The following HMCN1 variants were observed in gnomAD, a reference collection of about 807,000 sequenced individuals.
HMCN1 encodes hemicentin 1, also known as hemicentin-1.
Under a neutral mutation model 625.9 loss-of-function variants are expected in HMCN1, and 321 were observed. That is an observed-to-expected ratio of 0.51 (90% CI 0.47 to 0.56). The LOEUF (loss-of-function observed/expected upper bound fraction) is 0.56, where lower values mean the gene tolerates loss of function less well. HMCN1 is among the 20% of genes least tolerant of loss of function. The probability of loss-of-function intolerance (pLI) is 0.00; values close to 1 mark genes in which losing one functional copy is unlikely to be tolerated. For missense variants in HMCN1, 6,588 were observed against 6,887.3 expected (o/e 0.96, Z 1.54); for synonymous variants, 2,425 against 2,417.6 (o/e 1.00, Z -0.09).
At chr1:185,777,086 T>C (rs1286020706) in intron 1 of HMCN1, among the ~76,000 whole-genome samples, 1 of 152,218 alleles carries the variant, frequency 6.6e-6, no homozygotes, top group Non-Finnish European at 1.5e-5. Context: ...TATTATAGTC[T>C]TATTTTGCAT....
intron 1 of HMCN1, among the ~76,000 whole-genome samples, chr1:185,834,412 T>C (rs1248390400): frequency 6.6e-6 from 1 of 152,106 alleles, no homozygotes; most frequent in Non-Finnish European, 1.5e-5. Flanking sequence ...ACATGGTTGT[T>C]GGCAGGATTG....
chr1:185,980,977 G>T lies in HMCN1; in HGVS notation c.2567-1G>T. ...ATGAGTAAATGAGTTCTTCCTTTTA[G>T]ACTTATGGGCAAGTGATAAAGGAAC... On this transcript the variant is annotated splice_acceptor_variant, in intron 16 of 106. Coordinates refer to ENST00000271588, the MANE Select transcript of HMCN1 (RefSeq NM_031935.3). LOFTEE classifies it high-confidence loss of function. The T allele has an allele frequency of 6.3e-7, 1 of 1,577,632 alleles. No homozygotes were observed. Among genetic ancestry groups the T allele is most frequent in the South Asian group, 1.1e-5 (1 of 90,290 alleles).
At chr1:185,782,688 G>T (rs893140546) in intron 1 of HMCN1, among the ~76,000 whole-genome samples, 4 of 152,162 alleles carry the variant, frequency 2.6e-5, no homozygotes, top group Non-Finnish European at 4.4e-5. Context: ...CTCTCTTCTG[G>T]CTTGTAGAGT....
chr1:186,010,284 T>G (rs1653914821), intron 30 of HMCN1, among the ~76,000 whole-genome samples: 1 of 152,270 alleles, frequency 6.6e-6, no homozygotes, highest in African/African-American at 2.4e-5. Context: ...GTATTCATAA[T>G]TTTTATTTGT....
chr1:186,159,454 A>G (rs1000539127), intron 97 of HMCN1, among the ~76,000 whole-genome samples: 9 of 152,016 alleles, frequency 5.9e-5, no homozygotes, highest in African/African-American at 2.2e-4. Flanking sequence ...TTCCAACACT[A>G]TGTTGAATAG....
intron 102 of HMCN1, among the ~76,000 whole-genome samples, chr1:186,172,573 C>T (rs1652299431): frequency 6.6e-6 from 1 of 151,934 alleles, no homozygotes; most frequent in Non-Finnish European, 1.5e-5. Flanking sequence ...AAATAATTTG[C>T]CCAAAATTTA....
intron 46 of HMCN1, 29 bp downstream of exon 46, chr1:186,057,430 C>T (rs745922837): frequency 1.0e-4 from 146 of 1,461,412 alleles, no homozygotes; most frequent in Non-Finnish European, 1.3e-4. Context: ...GCCTTATAAT[C>T]TTGTTAGCTT....
At chr1:186,148,514 G>A (rs939998947) in intron 93 of HMCN1, among the ~76,000 whole-genome samples, 1 of 151,638 alleles carries the variant, frequency 6.6e-6, no homozygotes, top group African/African-American at 2.4e-5. Flanking sequence ...ATTTCTTTCT[G>A]TTTTTTTTGT....
In HMCN1 at chr1:186,119,229, G is replaced by A; in HGVS notation, c.11887G>A (p.Gly3963Arg). ...ACTTGCCACCCAATTAAACCATGCT[G>A]GAAGATACACTTGTGTCGCTAGGAA... ...EILATQLNHAGRYTCVARNAA... is the reference protein window; with the variant it reads ...EILATQLNHARRYTCVARNAA... Residue 3963 changes from glycine to arginine, a missense_variant, in exon 78 of 107, where the codon GGA (glycine) becomes AGA (arginine). Gly to Arg is a moderately radical substitution (Grantham distance 125, BLOSUM62 -2). Coordinates refer to ENST00000271588, the MANE Select transcript of HMCN1 (RefSeq NM_031935.3). 6.2e-7 allele frequency: 1 copy of A among 1,613,854 alleles called. No homozygotes were observed.
chr1:186,057,210 T>C (rs1251869043), intron 45 of HMCN1, 24 bp from the exon 46 acceptor site: 3 of 1,595,414 alleles, frequency 1.9e-6, no homozygotes, highest in Non-Finnish European at 2.6e-6. Context: ...TTCCATTCCC[T>C]GTTTGTTTTA....
chr1:186,112,870 A>G lies in HMCN1; in HGVS notation c.11048A>G (p.Asp3683Gly). 6.2e-7 allele frequency: 1 copy of G among 1,614,168 alleles called. No individual in the cohort carries two copies. The highest frequency in any genetic ancestry group is 1.1e-5 in the South Asian group (1 of 91,084). Residue 3683 changes from aspartate (D) to glycine (G), a missense_variant, in exon 72 of 107, where the codon GAC (aspartate) becomes GGC (glycine). Transcript: ENST00000271588. ...AGATACTTGCAAATCAACAATGCTG[A>G]CCTAGGTGATACAGCCAATTATACC... Reference protein sequence around the residue: ...GGRYLQINNADLGDTANYTCV... With the variant: ...GGRYLQINNAGLGDTANYTCV...
chr1:186,149,963 C>T (rs986988579), intron 93 of HMCN1, among the ~76,000 whole-genome samples: 1 of 152,026 alleles, frequency 6.6e-6, no homozygotes, highest in Non-Finnish European at 1.5e-5. Context: ...TAGTAACATC[C>T]AAGATCACTG....
At chr1:186,144,965 T>C (rs16824960) in intron 91 of HMCN1, among the ~76,000 whole-genome samples, 1,965 of 152,332 alleles carry the variant, frequency 0.013, 37 homozygotes, top group African/African-American at 0.045. Flanking sequence ...ATGCTAACTC[T>C]TCATGATGCT....
intron 95 of HMCN1, 37 bp from the exon 96 acceptor site, chr1:186,152,713 T>C (rs1378021352): frequency 6.2e-7 from 1 of 1,612,744 alleles, no homozygotes; most frequent in South Asian, 1.1e-5. Context: ...GAAACCATAT[T>C]TTTTTGCTGT....
intron 71 of HMCN1, among the ~76,000 whole-genome samples, chr1:186,110,004 T>G (rs1409017007): frequency 6.6e-6 from 1 of 152,136 alleles, no homozygotes; most frequent in East Asian, 1.9e-4. Context: ...GTTGACCAAG[T>G]GATGTCAATC....
intron 1 of HMCN1, among the ~76,000 whole-genome samples, chr1:185,792,070 T>C (rs1658043204): frequency 6.6e-6 from 1 of 152,190 alleles, no homozygotes; most frequent in Admixed American, 6.5e-5. Flanking sequence ...ACTCACCGTC[T>C]GGAAAAGGAA....
intron 36 of HMCN1, among the ~76,000 whole-genome samples, chr1:186,037,182 A>G (rs2102221512): frequency 6.6e-6 from 1 of 152,098 alleles, no homozygotes; most frequent in South Asian, 2.1e-4. Flanking sequence ...AACTTCAGAT[A>G]CTAATTTACA....
rs570514848 is a variant in HMCN1 at position 186,010,320 on chromosome 1, A to G, written c.4630+3038A>G. On this transcript the variant is annotated intron_variant, in intron 30 of 106. Transcript: ENST00000271588. ...ATTCCCTTCCCCCAAATGGAAGTATAGTTCTCTGGCAAATATGTATGAATT... is the reference window on the plus strand; with the variant it reads ...ATTCCCTTCCCCCAAATGGAAGTATGGTTCTCTGGCAAATATGTATGAATT... 5.8e-4 allele frequency among the ~76,000 whole-genome samples: 88 copies of G among 152,308 alleles called. 1 individual carries two copies. The highest frequency in any genetic ancestry group is 2.1e-3 in the South Asian group (10 of 4,828).
chr1:185,737,331 T>C (rs761659226), intron 1 of HMCN1, among the ~76,000 whole-genome samples: 11 of 151,986 alleles, frequency 7.2e-5, no homozygotes, highest in Admixed American at 2.0e-4. Context: ...ATTTTTTTCA[T>C]AGAGACAGGG....
Sources: gnomAD v4.1 joint callset for allele counts (sites outside exome capture counted in the v4.1 genomes callset) on GRCh38, gnomAD v4.1.1 for gene constraint, MANE v1.5 for transcripts, NCBI Gene and HGNC (gene_info 2026-07-23, HGNC 2026-07-21) for gene names.